Variants in SCML4 observed in about 807,000 individuals in gnomAD.
The protein encoded by SCML4 is Scm polycomb group protein like 4.
Under a neutral mutation model 41.1 loss-of-function variants are expected in SCML4, and 34 were observed. The ratio of observed to expected loss-of-function variants is 0.83; its 90% CI spans 0.63 to 1.10. SCML4 has a LOEUF of 1.10. Ranked by LOEUF, SCML4 falls within the 50% of genes least tolerant of loss-of-function variation. The pLI is 0.00. For missense variants in SCML4, 522 were observed against 534.1 expected, an observed-to-expected ratio of 0.98 and a Z score of 0.22; for synonymous variants, 214 against 220.9, an observed-to-expected ratio of 0.97 and a Z score of 0.28.
Position 107,707,927 on chromosome 6 carries a change from C to A in SCML4, c.1058G>T (p.Trp353Leu). ...PSAWTVEDVV[W>L]FVKDADPQAL... The stretch of plus-strand genomic sequence containing the variant: ...CTGTGGGTCGGCGTCCTTCACAAAC[C>A]ACACCACGTCCTCCACAGTCCAGGC... The change falls in exon 7 of 8, where the codon TGG becomes TTG. Residue 353 changes from tryptophan to leucine, a missense_variant. Coordinates refer to ENST00000369020, the MANE Select transcript of SCML4 (RefSeq NM_198081.5). The A allele has an allele frequency of 6.4e-7, 1 of 1,551,720 alleles. No homozygotes were observed. Among genetic ancestry groups the A allele is most frequent in the Non-Finnish European group, 8.7e-7 (1 of 1,146,998 alleles).
the SCML4 span, among the ~76,000 whole-genome samples, chr6:107,837,423 A>G: frequency 6.6e-6 from 1 of 152,214 alleles, no homozygotes; most frequent in East Asian, 1.9e-4. Flanking sequence ...CCCCAGATGC[A>G]TGAAAGTTAG....
intron 5 of SCML4, among the ~76,000 whole-genome samples, chr6:107,733,755 G>T (rs570227116): frequency 6.6e-6 from 1 of 152,192 alleles, no homozygotes; most frequent in Non-Finnish European, 1.5e-5. Flanking sequence ...TGCTTCCACT[G>T]TTCTGAGGTA....
chr6:107,798,923 C>T (rs1460553636), intron 1 of SCML4, among the ~76,000 whole-genome samples: 1 of 152,050 alleles, frequency 6.6e-6, no homozygotes, highest in Non-Finnish European at 1.5e-5. Flanking sequence ...CTGCTATTGA[C>T]TTCTAAAACA....
chr6:107,845,454 C>T, the SCML4 span, among the ~76,000 whole-genome samples: 2 of 152,180 alleles, frequency 1.3e-5, no homozygotes, highest in South Asian at 4.1e-4. Flanking sequence ...GCCTTAGCAG[C>T]TACTGGAAAG....
chr6:107,704,994 T>A lies in SCML4; in HGVS notation c.*206A>T. The A allele has an allele frequency of 1.6e-6, 1 of 623,166 alleles. No individual in the cohort carries two copies. The highest frequency in any genetic ancestry group is 1.9e-5 in the South Asian group (1 of 51,584). 38.6% of individuals were successfully genotyped at this position (623,166 alleles called of 1,614,324 possible). A position where few individuals can be genotyped will look rare whatever the true frequency, so the allele number is the denominator to read the frequency against. On this transcript the variant is annotated 3_prime_UTR_variant, in exon 8 of 8. Transcript: ENST00000369020. ...CAGGCTTTTGTAATTTTTTGGCAAA[T>A]TATGAACACAGAGGAGCCTCTCGAA...
chr6:107,823,481 A>C (rs1785095723), intron 1 of SCML4, among the ~76,000 whole-genome samples: 1 of 152,112 alleles, frequency 6.6e-6, no homozygotes, highest in African/African-American at 2.4e-5. Context: ...TGCCGCTAAT[A>C]CTCCATAGTC....
At chr6:107,775,261 C>G (rs1015732793) in intron 1 of SCML4, among the ~76,000 whole-genome samples, 1 of 152,222 alleles carries the variant, frequency 6.6e-6, no homozygotes, top group Non-Finnish European at 1.5e-5. Context: ...TTTCTTCCCC[C>G]TCTAGTCCAT....
At chr6:107,724,907 G>A (rs1167316874) in intron 5 of SCML4, among the ~76,000 whole-genome samples, 1 of 152,182 alleles carries the variant, frequency 6.6e-6, no homozygotes, top group Non-Finnish European at 1.5e-5. Context: ...AGACAATGTG[G>A]GAGGTCATCA....
chr6:107,726,604 A>G (rs963618660), intron 5 of SCML4, among the ~76,000 whole-genome samples: 1 of 151,914 alleles, frequency 6.6e-6, no homozygotes, highest in African/African-American at 2.4e-5. Flanking sequence ...AAATGGATAA[A>G]GGACTTGAAT....
chr6:107,770,068 A>G (rs1272089444), intron 2 of SCML4, among the ~76,000 whole-genome samples: 4 of 152,240 alleles, frequency 2.6e-5, no homozygotes, highest in African/African-American at 9.6e-5. Flanking sequence ...AATGGAGTGA[A>G]ACTGTACAAT....
intron 1 of SCML4, among the ~76,000 whole-genome samples, chr6:107,778,476 A>G (rs1231697825): frequency 6.6e-6 from 1 of 151,712 alleles, no homozygotes; most frequent in Non-Finnish European, 1.5e-5. Context: ...TAACCTTTAA[A>G]CAGTTGTCAA....
intron 2 of SCML4, among the ~76,000 whole-genome samples, chr6:107,761,730 C>A (rs536716386): frequency 4.9e-4 from 75 of 152,082 alleles, no homozygotes; most frequent in African/African-American, 1.7e-3. Flanking sequence ...AGCCACTATA[C>A]CCGGCAAAAT....
intron 1 of SCML4, among the ~76,000 whole-genome samples, chr6:107,809,244 T>C (rs9320238): frequency 0.18 from 26,818 of 152,228 alleles, 2,600 homozygotes; most frequent in African/African-American, 0.25. Flanking sequence ...GCTGGCACCT[T>C]GGTCTAGGAC....
intron 6 of SCML4, among the ~76,000 whole-genome samples, chr6:107,711,938 A>G (rs536697169): frequency 6.6e-6 from 1 of 152,250 alleles, no homozygotes; most frequent in East Asian, 1.9e-4. Flanking sequence ...TGTCCTAAAC[A>G]CATAATGGTT....
intron 2 of SCML4, among the ~76,000 whole-genome samples, chr6:107,765,817 T>A (rs530609169): frequency 6.6e-6 from 1 of 152,336 alleles, no homozygotes; most frequent in South Asian, 2.1e-4. Context: ...ATGAAGGGAA[T>A]ATTTACACCT....
chr6:107,741,644 C>T (rs1267098308), intron 5 of SCML4, among the ~76,000 whole-genome samples: 1 of 152,232 alleles, frequency 6.6e-6, no homozygotes, highest in Non-Finnish European at 1.5e-5. Flanking sequence ...AAGCCCCTAG[C>T]CAGCCTTCCC....
intron 1 of SCML4, among the ~76,000 whole-genome samples, chr6:107,790,443 TC>T (rs1182272702): frequency 6.6e-6 from 1 of 152,162 alleles, no homozygotes; most frequent in African/African-American, 2.4e-5. Context: ...AACACTTTTT[TC>T]CTGCTTTCTC....
intron 1 of SCML4, among the ~76,000 whole-genome samples, chr6:107,776,223 T>C (rs1780935081): frequency 6.6e-6 from 1 of 152,040 alleles, no homozygotes; most frequent in Admixed American, 6.5e-5. Flanking sequence ...AAAATAAAGC[T>C]AAGGAAACTA....
the SCML4 span, among the ~76,000 whole-genome samples, chr6:107,837,058 G>A: frequency 6.6e-6 from 1 of 152,134 alleles, no homozygotes; most frequent in Non-Finnish European, 1.5e-5. Flanking sequence ...TATCCATACT[G>A]TTCCAGAGCT....
Sources: allele counts gnomAD v4.1 joint callset (sites outside exome capture counted in the v4.1 genomes callset), GRCh38; gene constraint gnomAD v4.1.1; transcripts MANE v1.5; gene names NCBI Gene and HGNC (gene_info 2026-07-23, HGNC 2026-07-21).